MYBPC1: variants seen among roughly 807,000 people sequenced by gnomAD.
MYBPC1 encodes myosin binding protein C1, also known as myosin-binding protein C, slow-type.
Under a neutral mutation model 147.1 loss-of-function variants are expected in MYBPC1, and 52 were observed. The ratio of observed to expected loss-of-function variants is 0.35; its 90% CI spans 0.28 to 0.45. MYBPC1 has a LOEUF of 0.45. Ranked by LOEUF, MYBPC1 falls within the 20% of genes least tolerant of loss-of-function variation. The pLI is 1.00. For synonymous variants in MYBPC1, 477 were observed against 475.9 expected, an observed-to-expected ratio of 1.00 and a Z score of -0.03; for missense variants, 1,228 against 1,440.3, an observed-to-expected ratio of 0.85 and a Z score of 2.39.
At position 101,663,431 on chromosome 12, in the gene MYBPC1, A is replaced by G. The variant is rs1178239867; in HGVS notation, c.2227A>G (p.Thr743Ala). ...CTGTCTCTTTTATCTTTAAGCTGTA[A>G]CAAGCCCTCCTACTCTTCTGACTGT... Reference protein sequence around the residue: ...PSRPFVPLAVTSPPTLLTVDS... With the variant: ...PSRPFVPLAVASPPTLLTVDS... The change falls in exon 22 of 32, where the codon ACA (threonine) becomes GCA (alanine). Residue 743 changes from threonine (T) to alanine (A), a missense_variant. Physicochemically the swap from Thr to Ala is moderately conservative, Grantham distance 58. Around this residue, in one of 2 missense-constraint regions of MYBPC1, gnomAD observed 1,077 missense variants for 1,314.2 expected, o/e 0.82. Transcript: ENST00000361466. The G allele has an allele frequency of 1.2e-6, 2 of 1,613,626 alleles. No homozygotes were observed. Among genetic ancestry groups the G allele is most frequent in the African/African-American group, 1.3e-5 (1 of 74,888 alleles).
the MYBPC1 span, among the ~76,000 whole-genome samples, chr12:101,693,650 T>A: frequency 0.012 from 1,796 of 152,254 alleles, 45 homozygotes; most frequent in East Asian, 0.054. Context: ...CTGAGGCAGG[T>A]GAATCACTTG....
chr12:101,634,953 A>T (rs748600008), intron 9 of MYBPC1, among the ~76,000 whole-genome samples: 7 of 152,214 alleles, frequency 4.6e-5, no homozygotes, highest in Non-Finnish European at 8.8e-5. Context: ...GACTCATTTC[A>T]TTGGTTAAGT....
intron 16 of MYBPC1, among the ~76,000 whole-genome samples, chr12:101,652,371 T>G (rs999690090): frequency 3.3e-5 from 5 of 152,224 alleles, no homozygotes; most frequent in Admixed American, 2.6e-4. Context: ...TATTGATATG[T>G]TCTATTTTAG....
intron 1 of MYBPC1, among the ~76,000 whole-genome samples, chr12:101,596,142 C>G (rs181943627): frequency 6.6e-6 from 1 of 152,092 alleles, no homozygotes; most frequent in Non-Finnish European, 1.5e-5. Context: ...TTTTAAGGAA[C>G]CTTGAAAAAG....
At chr12:101,601,977 T>C (rs1593587052) in intron 1 of MYBPC1, among the ~76,000 whole-genome samples, 1 of 152,224 alleles carries the variant, frequency 6.6e-6, no homozygotes, top group Admixed American at 6.5e-5. Context: ...ACAGTATGTG[T>C]CTTGGCTTTT....
At chr12:101,694,211 G>T in the MYBPC1 span, among the ~76,000 whole-genome samples, 18 of 152,212 alleles carry the variant, frequency 1.2e-4, no homozygotes, top group Non-Finnish European at 2.4e-4. Context: ...CTCTATAATT[G>T]CATTTACCTT....
At chr12:101,695,197 G>A in the MYBPC1 span, among the ~76,000 whole-genome samples, 2 of 152,190 alleles carry the variant, frequency 1.3e-5, no homozygotes, top group Non-Finnish European at 2.9e-5. Flanking sequence ...CTTATCTCCA[G>A]AGACATATTC....
chr12:101,662,043 C>G (rs1896671441), intron 20 of MYBPC1, among the ~76,000 whole-genome samples: 1 of 152,076 alleles, frequency 6.6e-6, no homozygotes, highest in Non-Finnish European at 1.5e-5. Flanking sequence ...TGCTGGGACT[C>G]AGAGTCAACT....
intron 27 of MYBPC1, 75 bp from the exon 28 acceptor site, chr12:101,678,027 T>G: frequency 6.5e-7 from 1 of 1,538,304 alleles, no homozygotes; most frequent in Non-Finnish European, 9.0e-7. Flanking sequence ...TAATCATGTG[T>G]AAAGTATGCC....
chr12:101,690,807 T>C (rs1271328237), downstream of MYBPC1, among the ~76,000 whole-genome samples: 2 of 152,290 alleles, frequency 1.3e-5, no homozygotes, highest in East Asian at 3.9e-4. Context: ...AAGGTTTTAG[T>C]CAATCTATTA....
In MYBPC1 at chr12:101,667,888, A is replaced by G. The variant is rs1253485723; in HGVS notation, c.2513A>G (p.Lys838Arg). 6.2e-7 allele frequency: 1 copy of G among 1,614,042 alleles called. No homozygotes were observed. The highest frequency in any genetic ancestry group is 1.1e-5 in the South Asian group (1 of 91,054). The change falls in exon 23 of 32, where the codon AAG becomes AGG. Residue 838 changes from lysine (K) to arginine (R), a missense_variant. By Grantham distance (26) the Lys-to-Arg change is conservative. Transcript: ENST00000361466. ...PKYYSQPILVKEIIEPPKIRI... is the reference protein window; with the variant it reads ...PKYYSQPILVREIIEPPKIRI... The stretch of plus-strand genomic sequence containing the variant: ...TACTATTCTCAGCCCATTCTCGTGA[A>G]GGAAATCATAGGTAGGAGACAAGGC...
chr12:101,614,538 A>G lies in MYBPC1; in HGVS notation c.61+7A>G, dbSNP rs1473140280. On this transcript the variant is annotated splice_region_variant and intron_variant, in intron 2 of 31. Transcript: ENST00000361466. Reference sequence around the variant, plus strand: ...CCAGCCCCACCCCCGGAAGGTGAGTAAAAACACTCACTCACACACGTTTGG... The same window carrying G: ...CCAGCCCCACCCCCGGAAGGTGAGTGAAAACACTCACTCACACACGTTTGG... 1.9e-6 allele frequency: 3 copies of G among 1,613,374 alleles called. No homozygotes were observed. The highest frequency in any genetic ancestry group is 2.2e-5 in the South Asian group (2 of 90,972).
chr12:101,676,890 T>C (rs1241954798), intron 26 of MYBPC1, among the ~76,000 whole-genome samples: 1 of 152,130 alleles, frequency 6.6e-6, no homozygotes, highest in Non-Finnish European at 1.5e-5. Flanking sequence ...AAAAGATAGC[T>C]AGGAAGACAA....
At chr12:101,651,554 T>A (rs564794350) in intron 16 of MYBPC1, among the ~76,000 whole-genome samples, 161 bp downstream of exon 16, 1 of 152,372 alleles carries the variant, frequency 6.6e-6, no homozygotes, top group South Asian at 2.1e-4. Flanking sequence ...GATTTCTCTG[T>A]TGTATAGCAT....
chr12:101,669,166 T>G (rs912732878), intron 23 of MYBPC1, among the ~76,000 whole-genome samples: 1 of 152,174 alleles, frequency 6.6e-6, no homozygotes, highest in Non-Finnish European at 1.5e-5. Context: ...TAGACTTGTG[T>G]GACAATGAAA....
At chr12:101,657,751 T>C (rs929028783) in intron 18 of MYBPC1, among the ~76,000 whole-genome samples, 2 of 152,156 alleles carry the variant, frequency 1.3e-5, no homozygotes, top group African/African-American at 4.8e-5. Flanking sequence ...TGTTGGTAAA[T>C]TCTACCAAAC....
chr12:101,599,756 G>A lies in MYBPC1; in HGVS notation c.25+4661G>A, dbSNP rs149072485. 3.8e-3 allele frequency among the ~76,000 whole-genome samples: 576 copies of A among 152,250 alleles called. 5 individuals carry two copies. The highest frequency in any genetic ancestry group is 0.013 in the African/African-American group (549 of 41,556). Reference sequence around the variant, plus strand: ...CCCTTTTGACTTCAAATGGTTCATCGAGGCCAAGCTGATGATTTCAATTGA... The same window carrying A: ...CCCTTTTGACTTCAAATGGTTCATCAAGGCCAAGCTGATGATTTCAATTGA... On this transcript the variant is annotated intron_variant, in intron 1 of 31. Transcript: ENST00000361466.
intron 17 of MYBPC1, 40 bp downstream of exon 17, chr12:101,652,824 T>C: frequency 6.7e-7 from 1 of 1,490,220 alleles, no homozygotes; most frequent in Admixed American, 1.7e-5. Flanking sequence ...TTGTGTTCTT[T>C]TTTGTTTGCT....
downstream of MYBPC1, among the ~76,000 whole-genome samples, chr12:101,688,024 A>G (rs1295275870): frequency 6.6e-6 from 1 of 152,228 alleles, no homozygotes; most frequent in African/African-American, 2.4e-5. Context: ...AGAAGCTATC[A>G]TTACTATTGG....
Sources: allele counts gnomAD v4.1 joint callset (sites outside exome capture counted in the v4.1 genomes callset), GRCh38; gene constraint gnomAD v4.1.1; regional missense constraint gnomAD v4.1.1; transcripts MANE v1.5; gene names NCBI Gene and HGNC (gene_info 2026-07-23, HGNC 2026-07-21).